Variants in HIBCH observed in about 807,000 individuals in gnomAD.
The protein encoded by HIBCH is 3-hydroxyisobutyryl-CoA hydrolase, also known as 3-hydroxyisobutyryl-CoA hydrolase, mitochondrial.
In HIBCH, 50 loss-of-function variants were observed where a neutral mutation model predicts 58.2. The observed-to-expected ratio is 0.86, with a 90% confidence interval of 0.68 to 1.09. HIBCH has a LOEUF of 1.09. Ranked by LOEUF, HIBCH falls within the 50% of genes least tolerant of loss-of-function variation. HIBCH has a pLI of 0.00. For synonymous variants in HIBCH, 151 were observed against 146.9 expected, an observed-to-expected ratio of 1.03 and a Z score of -0.20; for missense variants, 450 against 449.7, an observed-to-expected ratio of 1.00 and a Z score of -0.01.
chr2:190,234,976 G>A (rs1380294713), intron 11 of HIBCH, among the ~76,000 whole-genome samples: 2 of 152,198 alleles, frequency 1.3e-5, no homozygotes, highest in Non-Finnish European at 2.9e-5. Context: ...GTGGCAGACT[G>A]CCACAATTAC....
At chr2:190,260,429 G>C (rs745874841) in intron 7 of HIBCH, 3 of 152,132 alleles carry the variant, frequency 2.0e-5, no homozygotes, top group Non-Finnish European at 4.4e-5. Context: ...TTGCCCACAG[G>C]TCTGAAAAGA....
chr2:190,269,175 A>G (rs1410533096), intron 6 of HIBCH, among the ~76,000 whole-genome samples: 2 of 152,230 alleles, frequency 1.3e-5, no homozygotes, highest in Admixed American at 6.5e-5. Context: ...AGGCATTGGC[A>G]AAGACTTCAT....
At chr2:190,286,392 A>C (rs149813218) in intron 6 of HIBCH, among the ~76,000 whole-genome samples, 1 of 152,142 alleles carries the variant, frequency 6.6e-6, no homozygotes. Flanking sequence ...GAAGGCTCCC[A>C]TGTCATGTAA....
At chr2:190,311,033 G>C (rs948531003) in intron 1 of HIBCH, 2 of 665,304 alleles carry the variant, frequency 3.0e-6, no homozygotes, top group African/African-American at 3.5e-5. Context: ...TAACCAAGAT[G>C]TTCTTCAATG....
chr2:190,265,149 A>AAAAAAAAAAAAG (rs1687198173), intron 6 of HIBCH, among the ~76,000 whole-genome samples: 1 of 148,322 alleles, frequency 6.7e-6, no homozygotes, highest in Admixed American at 6.8e-5. Context: ...AAAAAAAAAA[A>AAAAAAAAAAAAG]AGTATTGACT....
At chr2:190,235,072 T>G (rs2105923896) in intron 11 of HIBCH, among the ~76,000 whole-genome samples, 1 of 152,248 alleles carries the variant, frequency 6.6e-6, no homozygotes, top group South Asian at 2.1e-4. Context: ...AATGAAAACT[T>G]AAGACAAAAG....
intron 2 of HIBCH, among the ~76,000 whole-genome samples, chr2:190,309,685 A>G (rs1319625076): frequency 6.6e-6 from 1 of 151,620 alleles, no homozygotes; most frequent in Non-Finnish European, 1.5e-5. Flanking sequence ...CCTCCTGAGT[A>G]GCTGGGACTG....
In HIBCH at chr2:190,296,957, T is replaced by A. The variant is rs748388747; in HGVS notation, c.79-4A>T. 6.2e-6 allele frequency: 10 copies of A among 1,613,920 alleles called. No individual in the cohort carries two copies. Among genetic ancestry groups the A allele is most frequent in the Non-Finnish European group, 8.5e-6 (10 of 1,179,926 alleles). ...CATCTGTGTGCTTGGACATTCTCTG[T>A]ATAAACAAAGAATAACTTTATGACA... is the stretch of plus-strand genomic sequence containing the variant. On this transcript the variant is annotated splice_polypyrimidine_tract_variant and splice_region_variant and intron_variant, in intron 2 of 13. Transcript: ENST00000359678.
chr2:190,211,230 G>A lies in HIBCH; in HGVS notation c.1011+1726C>T, dbSNP rs138024049. On this transcript the variant is annotated intron_variant, in intron 12 of 13. Transcript: ENST00000359678. The surrounding 1 kb of genome is among the most constrained non-coding windows in gnomAD (Gnocchi z 5.0). ...CAAGGTTTTCTTAATTGCTGTTGGT[G>A]TCTTTCAGATTTAAATCTCCAACTC... is the stretch of plus-strand genomic sequence containing the variant. Among the ~76,000 whole-genome samples, 62 of 152,252 alleles carry A rather than the reference G, an allele frequency of 4.1e-4. No individual in the cohort carries two copies. The highest frequency in any genetic ancestry group is 7.2e-4 in the Non-Finnish European group (49 of 68,022).
downstream of HIBCH, chr2:190,199,877 C>G (rs954473778): frequency 6.2e-7 from 1 of 1,613,584 alleles, no homozygotes; most frequent in African/African-American, 1.3e-5. Flanking sequence ...TGCATGAAAT[C>G]AAAGCAAACT....
intron 1 of HIBCH, chr2:190,311,123 CA>C (rs1189040968): frequency 5.2e-5 from 24 of 459,126 alleles, no homozygotes; most frequent in East Asian, 1.1e-4. Flanking sequence ...TATTATGCCA[CA>C]AAAAAAATTG....
At chr2:190,202,325 T>C (rs1308062044), downstream of HIBCH, 2 of 167,082 alleles carry the variant, frequency 1.2e-5, no homozygotes, top group Non-Finnish European at 2.9e-5. Context: ...CTGAAATATA[T>C]GCTGTATTGT....
Position 190,207,360 on chromosome 2 carries a change from G to C in HIBCH, c.1045+1520C>G, listed in dbSNP as rs73053745. Among the ~76,000 whole-genome samples the C allele has an allele frequency of 0.032, 4,908 of 152,224 alleles. 274 individuals are homozygous for C. Among genetic ancestry groups the C allele is most frequent in the African/African-American group, 0.11 (4,622 of 41,510 alleles). On this transcript the variant is annotated intron_variant, in intron 13 of 13. Transcript: ENST00000359678. This position sits in a 1 kb window ranked among gnomAD's most constrained non-coding sequence, Gnocchi z 4.5. The stretch of plus-strand genomic sequence containing the variant: ...CTAGGCTGTAATCCACATGCAGCAA[G>C]AATTTGCAGAGAATTTGTGAGGAAA...
intron 6 of HIBCH, among the ~76,000 whole-genome samples, chr2:190,261,803 C>T (rs1331846975): frequency 1.3e-5 from 2 of 152,150 alleles, no homozygotes; most frequent in Non-Finnish European, 2.9e-5. Flanking sequence ...AATCATAAAA[C>T]TTCTAAGGTA....
chr2:190,244,769 G>C (rs867861194), intron 11 of HIBCH, 118 bp downstream of exon 11: 2 of 790,348 alleles, frequency 2.5e-6, no homozygotes, highest in African/African-American at 3.4e-5. Context: ...TGGGAAAAAA[G>C]AAAACACAAT....
chr2:190,224,289 A>C (rs1393141669), intron 11 of HIBCH, among the ~76,000 whole-genome samples: 2 of 152,200 alleles, frequency 1.3e-5, no homozygotes, highest in Admixed American at 1.3e-4. Flanking sequence ...ACCGCAGATC[A>C]AGGACGCCTG....
At chr2:190,288,174 T>TAAAAAAAA (rs72480573) in intron 5 of HIBCH, among the ~76,000 whole-genome samples, 68,940 of 144,662 alleles carry the variant, frequency 0.48, 17,147 homozygotes, top group South Asian at 0.57. Flanking sequence ...TTTTTTTTTT[T>TAAAAAAAA]AAAAAAAGGA....
At chr2:190,247,489 G>T (rs1686643981) in intron 9 of HIBCH, among the ~76,000 whole-genome samples, 1 of 152,236 alleles carries the variant, frequency 6.6e-6, no homozygotes, top group African/African-American at 2.4e-5. Flanking sequence ...CTGTACTCAT[G>T]TTCTTCAGTT....
chr2:190,221,995 C>A (rs575500176), intron 11 of HIBCH, among the ~76,000 whole-genome samples: 14 of 152,342 alleles, frequency 9.2e-5, no homozygotes. Flanking sequence ...CGGACAAGAA[C>A]TCACTCAGGT....
Sources: allele counts gnomAD v4.1 joint callset (sites outside exome capture counted in the v4.1 genomes callset), GRCh38; gene constraint gnomAD v4.1.1; non-coding constraint Gnocchi (gnomAD v3.1); transcripts MANE v1.5; gene names NCBI Gene and HGNC (gene_info 2026-07-23, HGNC 2026-07-21).